MRPS27: variants seen among roughly 807,000 people sequenced by gnomAD.
MRPS27 encodes mitochondrial ribosomal protein S27, also known as small ribosomal subunit protein mS27.
A neutral mutation model predicts 48.9 loss-of-function variants in MRPS27; 43 were observed. The observed-to-expected ratio is 0.88, with a 90% confidence interval of 0.69 to 1.13. The LOEUF (loss-of-function observed/expected upper bound fraction) is 1.13, where lower values mean the gene tolerates loss of function less well. Ranked by LOEUF, MRPS27 falls within the 50% of genes most tolerant of loss-of-function variation. MRPS27 has a pLI of 0.00. For missense variants in MRPS27, 467 were observed against 476.3 expected, an observed-to-expected ratio of 0.98 and a Z score of 0.18; for synonymous variants, 188 against 171.9, an observed-to-expected ratio of 1.09 and a Z score of -0.73.
intron 4 of MRPS27, among the ~76,000 whole-genome samples, chr5:72,274,989 T>C (rs1390495566): frequency 6.6e-5 from 10 of 152,080 alleles, no homozygotes; most frequent in Non-Finnish European, 1.2e-4. Flanking sequence ...TGCCCTCTCT[T>C]ACCACTCCTA....
At chr5:72,224,825 C>T (rs1191650874) in intron 9 of MRPS27, among the ~76,000 whole-genome samples, 1 of 152,252 alleles carries the variant, frequency 6.6e-6, no homozygotes, top group East Asian at 1.9e-4. Flanking sequence ...GGTATATCTC[C>T]CTTGACCCAC....
chr5:72,269,877 T>C (rs1035064950), intron 4 of MRPS27, among the ~76,000 whole-genome samples: 12 of 152,046 alleles, frequency 7.9e-5, no homozygotes, highest in Middle Eastern at 3.2e-3. Context: ...AAAAAAAAGA[T>C]TGATAAATTC....
intron 4 of MRPS27, among the ~76,000 whole-genome samples, chr5:72,250,665 G>A (rs146284245): frequency 1.3e-5 from 2 of 151,976 alleles, no homozygotes; most frequent in African/African-American, 2.4e-5. Flanking sequence ...TTAATCACTG[G>A]GTTATTATGA....
At chr5:72,314,300 C>T (rs745822570) in intron 1 of MRPS27, 142 bp from the exon 2 acceptor site, 14 of 488,482 alleles carry the variant, frequency 2.9e-5, no homozygotes, top group Admixed American at 2.7e-4. Context: ...CAACCAATAT[C>T]GCATAGTTGA....
At chr5:72,315,021 CCTGG>C (rs1750530411) in intron 1 of MRPS27, among the ~76,000 whole-genome samples, 1 of 152,188 alleles carries the variant, frequency 6.6e-6, no homozygotes, top group Non-Finnish European at 1.5e-5. Context: ...ATTCCTAGCT[CCTGG>C]CACAATGCCT....
intron 4 of MRPS27, among the ~76,000 whole-genome samples, chr5:72,256,340 T>C (rs369885194): frequency 1.2e-3 from 180 of 152,322 alleles, no homozygotes; most frequent in African/African-American, 4.1e-3. Flanking sequence ...TAAATACTTA[T>C]ATGTATTAAA....
At chr5:72,288,723 C>T (rs1259205386) in intron 4 of MRPS27, 3 of 152,230 alleles carry the variant, frequency 2.0e-5, no homozygotes, top group Non-Finnish European at 2.9e-5. Flanking sequence ...CTCTCAGACT[C>T]ATTTCTCTCC....
chr5:72,232,672 A>T lies in MRPS27; in HGVS notation c.476-114T>A, dbSNP rs1748095548. ...TGGGGCATGGTTTAAAAAAATGCAG[A>T]ATTAAGAAGTAAAATATGCGGGCTT... On this transcript the variant is annotated intron_variant, in intron 6 of 10. Coordinates refer to ENST00000261413, the MANE Select transcript of MRPS27 (RefSeq NM_015084.3). 9.9e-6 allele frequency: 7 copies of T among 706,474 alleles called. No individual in the cohort carries two copies. In the South Asian group the frequency reaches 1.3e-4, roughly 14 times the overall value. The allele number at this position is 706,474 out of a possible 1,614,324, so 43.8% of individuals were successfully genotyped here.
chr5:72,273,079 C>T (rs1276444517), intron 4 of MRPS27, among the ~76,000 whole-genome samples: 2 of 151,944 alleles, frequency 1.3e-5, no homozygotes, highest in African/African-American at 2.4e-5. Flanking sequence ...TAAGATTATC[C>T]AGCATTTTAC....
At chr5:72,238,839 G>A (rs989171010) in intron 4 of MRPS27, among the ~76,000 whole-genome samples, 1 of 152,130 alleles carries the variant, frequency 6.6e-6, no homozygotes, top group Admixed American at 6.6e-5. Context: ...TGCTTGGAAA[G>A]GAATTCCAAA....
chr5:72,272,390 T>C lies in MRPS27; in HGVS notation c.281+23141A>G, dbSNP rs116827916. Among the ~76,000 whole-genome samples the C allele has an allele frequency of 2.3e-3, 347 of 152,358 alleles. 2 individuals carry two copies. Among genetic ancestry groups the C allele is most frequent in the African/African-American group, 8.2e-3 (340 of 41,586 alleles). On this transcript the variant is annotated intron_variant, in intron 4 of 10. Coordinates refer to ENST00000261413, the MANE Select transcript of MRPS27 (RefSeq NM_015084.3). ...TAAACTGTGTGAATAATGTGGTTTA[T>C]GCTGAACACTTCTTTCCTTCTGGGA...
At chr5:72,305,185 T>C (rs1750227306) in intron 2 of MRPS27, among the ~76,000 whole-genome samples, 1 of 152,132 alleles carries the variant, frequency 6.6e-6, no homozygotes, top group Admixed American at 6.5e-5. Flanking sequence ...AAGCTTTGTG[T>C]ACATATATAT....
In MRPS27 at chr5:72,238,057, T is replaced by G; in HGVS notation, c.353A>C (p.Lys118Thr). The change falls in exon 5 of 11, where the codon AAA (lysine) becomes ACA (threonine). Residue 118 changes from lysine (K) to threonine (T), a missense_variant. By Grantham distance (78) the Lys-to-Thr change is moderately conservative. Transcript: ENST00000261413. ...TIHTWIRQCL[K>T]YDAQDKALYT... ...TAGGGCTTTGTCTTGTGCATCATAT[T>G]TTAGACACTGCCTAATCCAGGTGTG... 6.2e-7 allele frequency: 1 copy of G among 1,613,612 alleles called. No homozygotes were observed. Among genetic ancestry groups the G allele is most frequent in the Non-Finnish European group, 8.5e-7 (1 of 1,179,698 alleles).
chr5:72,276,681 A>T (rs1749382215), intron 4 of MRPS27, among the ~76,000 whole-genome samples: 1 of 152,120 alleles, frequency 6.6e-6, no homozygotes, highest in Admixed American at 6.6e-5. Context: ...CAAAGGTCTA[A>T]TATCCAGAGT....
intron 2 of MRPS27, among the ~76,000 whole-genome samples, chr5:72,311,772 T>C (rs957664267): frequency 2.0e-5 from 3 of 152,260 alleles, no homozygotes; most frequent in African/African-American, 7.2e-5. Flanking sequence ...GTTTCAGGTA[T>C]TGTTATAAAC....
chr5:72,252,623 C>T (rs372499952), intron 4 of MRPS27, among the ~76,000 whole-genome samples: 7 of 152,194 alleles, frequency 4.6e-5, no homozygotes, highest in African/African-American at 1.7e-4. Flanking sequence ...ATTTGAAACA[C>T]ACTTTTGGTT....
chr5:72,306,535 A>C (rs931517489), intron 2 of MRPS27, among the ~76,000 whole-genome samples: 1 of 152,260 alleles, frequency 6.6e-6, no homozygotes, highest in African/African-American at 2.4e-5. Flanking sequence ...ACTCCAAAAA[A>C]GACCTGTTTT....
chr5:72,312,271 T>G (rs546982711), intron 2 of MRPS27, among the ~76,000 whole-genome samples: 1 of 152,232 alleles, frequency 6.6e-6, no homozygotes, highest in African/African-American at 2.4e-5. Flanking sequence ...ATTTTTCATA[T>G]AAGCAAAGTT....
chr5:72,228,845 T>C (rs1747970735), intron 7 of MRPS27: 1 of 152,546 alleles, frequency 6.6e-6, no homozygotes, highest in Non-Finnish European at 1.5e-5. Flanking sequence ...TCCTTCAGAG[T>C]GTTAGAATAA....
Sources: allele counts gnomAD v4.1 joint callset (sites outside exome capture counted in the v4.1 genomes callset), GRCh38; gene constraint gnomAD v4.1.1; transcripts MANE v1.5; gene names NCBI Gene and HGNC (gene_info 2026-07-23, HGNC 2026-07-21).